The following ACLY variants were observed in gnomAD, a reference collection of about 807,000 sequenced individuals.
ACLY encodes the protein ATP citrate lyase.
ACLY carries 41 observed loss-of-function variants against 133.0 expected under a neutral mutation model. The observed-to-expected ratio is 0.31, with a 90% CI of 0.24 to 0.40. The LOEUF is 0.40. Among genes scored for constraint, ACLY ranks in the 10% least tolerant of loss-of-function variants. ACLY has a pLI of 1.00. For synonymous variants in ACLY, 495 were observed against 549.3 expected (o/e 0.90, Z 1.38); for missense variants, 1,046 against 1,453.8 (o/e 0.72, Z 4.56).
intron 23 of ACLY, among the ~76,000 whole-genome samples, 186 bp downstream of exon 23, chr17:41,873,625 A>C (rs1555625475): frequency 6.6e-6 from 1 of 152,112 alleles, no homozygotes; most frequent in Admixed American, 6.6e-5. Flanking sequence ...ATGTGACTGG[A>C]CTTTCTGTCC....
At chr17:41,908,942 T>C (rs371263669) in intron 6 of ACLY, 47 bp downstream of exon 6, 54 of 1,480,368 alleles carry the variant, frequency 3.6e-5, no homozygotes, top group African/African-American at 9.7e-5. Flanking sequence ...AGGGCTGTCA[T>C]AGGCACTGGG....
At chr17:41,907,657 C>T in intron 6 of ACLY, 85 bp from the exon 7 acceptor site, 1 of 1,468,808 alleles carries the variant, frequency 6.8e-7, no homozygotes, top group Non-Finnish European at 9.4e-7. Flanking sequence ...AAACACCGAT[C>T]CCATGGTGGC....
At chr17:41,895,068 A>G (rs1457808307) in intron 14 of ACLY, among the ~76,000 whole-genome samples, 1 of 152,148 alleles carries the variant, frequency 6.6e-6, no homozygotes, top group East Asian at 1.9e-4. Context: ...GAACAAGGGG[A>G]GCCACCTAAT....
intron 16 of ACLY, among the ~76,000 whole-genome samples, chr17:41,890,528 CA>C (rs1484600937): frequency 5.9e-5 from 8 of 134,692 alleles, no homozygotes; most frequent in Non-Finnish European, 1.6e-5. Flanking sequence ...ACTAAAAATA[CA>C]AAAAAAAAAT....
intron 1 of ACLY, among the ~76,000 whole-genome samples, chr17:41,928,875 C>T (rs2050275522): frequency 6.9e-6 from 1 of 145,160 alleles, no homozygotes; most frequent in South Asian, 2.2e-4. Context: ...AAAAAAGCTG[C>T]TGGAGTTCTG....
Position 41,893,062 on chromosome 17 carries a change from G to A in ACLY, c.1572C>T (p.Pro524=). 1 of 1,614,034 alleles carries A rather than the reference G, an allele frequency of 6.2e-7. No homozygotes were observed. The highest frequency in any genetic ancestry group is 8.5e-7 in the Non-Finnish European group (1 of 1,179,976). Residue 524 remains proline, a synonymous_variant, in exon 15 of 29, where the codon CCC becomes CCT. Coordinates refer to ENST00000352035, the MANE Select transcript of ACLY (RefSeq NM_001096.3). Reference sequence around the variant, plus strand: ...AAGGGTAGACCATGGCAGCCACTGAGGGCTCGTCTCGGGAGCAGACATAGT... The same window carrying A: ...AAGGGTAGACCATGGCAGCCACTGAAGGCTCGTCTCGGGAGCAGACATAGT... ...DFDYVCSRDE[P]SVAAMVYPFT...
chr17:41,927,434 C>T (rs1420270692), intron 1 of ACLY, among the ~76,000 whole-genome samples: 1 of 152,134 alleles, frequency 6.6e-6, no homozygotes, highest in Non-Finnish European at 1.5e-5. Flanking sequence ...GATCTGCCCG[C>T]CTGGGCCTCC....
At chr17:41,902,017 C>T (rs1555631732) in intron 10 of ACLY, among the ~76,000 whole-genome samples, 1 of 152,144 alleles carries the variant, frequency 6.6e-6, no homozygotes, top group Non-Finnish European at 1.5e-5. Context: ...GATTGACATC[C>T]CTTAATGTCA....
intron 20 of ACLY, among the ~76,000 whole-genome samples, chr17:41,879,948 T>TC (rs1555627023): frequency 6.6e-6 from 1 of 152,058 alleles, no homozygotes; most frequent in Non-Finnish European, 1.5e-5. Flanking sequence ...CAGGCTGGTC[T>TC]CCAACTCCTG....
intron 18 of ACLY, among the ~76,000 whole-genome samples, 182 bp from the exon 19 acceptor site, chr17:41,884,456 GAAGA>G (rs782194571): frequency 1.3e-3 from 200 of 152,312 alleles, no homozygotes; most frequent in Non-Finnish European, 2.4e-3. Context: ...GAACAGAAGA[GAAGA>G]AAGAGGGAAG....
At chr17:41,877,009 T>C (rs1163847738) in intron 22 of ACLY, among the ~76,000 whole-genome samples, 1 of 152,208 alleles carries the variant, frequency 6.6e-6, no homozygotes, top group Non-Finnish European at 1.5e-5. Flanking sequence ...GAATTTCCCA[T>C]TTCCAGAGTT....
In ACLY at chr17:41,910,879, C is replaced by T. The variant is rs1168476194; in HGVS notation, c.283-595G>A. On this transcript the variant is annotated intron_variant, in intron 3 of 28. Transcript: ENST00000352035. The stretch of plus-strand genomic sequence containing the variant: ...CAAAACCCCCGCCTGGCCTGTGCGT[C>T]ACTGCTGAGTCAGGGACCAGACAGC... Among the ~76,000 whole-genome samples, 6 of 152,182 alleles carry T rather than the reference C, an allele frequency of 3.9e-5. 1 individual carries two copies. The East Asian group carries it at 9.6e-4, about 24-fold the overall frequency.
intron 3 of ACLY, among the ~76,000 whole-genome samples, chr17:41,910,692 C>T (rs781979648): frequency 6.6e-6 from 1 of 152,200 alleles, no homozygotes; most frequent in African/African-American, 2.4e-5. Flanking sequence ...GACATGGGTC[C>T]GGGCGCAGGG....
rs2049040515 is a variant in ACLY at position 41,886,121 on chromosome 17, C to G, written c.2063G>C (p.Gly688Ala). The G allele has an allele frequency of 6.2e-7, 1 of 1,613,090 alleles. No homozygotes were observed. Among genetic ancestry groups the G allele is most frequent in the Admixed American group, 1.7e-5 (1 of 59,980 alleles). ...TDGVYEGVAI[G>A]GDRYPGSTFM... ...CTTCCCAGCTGATTACCTGTCCCCA[C>G]CAATGGCCACGCCCTCATAGACGCC... Residue 688 changes from glycine (G) to alanine (A), a missense_variant, in exon 18 of 29, where the codon GGT becomes GCT. Gly to Ala is a moderately conservative substitution (Grantham distance 60, BLOSUM62 0). Around this residue, in one of 4 missense-constraint regions of ACLY, gnomAD observed 575 missense variants for 804.2 expected, o/e 0.71. Coordinates refer to ENST00000352035, the MANE Select transcript of ACLY (RefSeq NM_001096.3).
intron 22 of ACLY, among the ~76,000 whole-genome samples, chr17:41,874,555 G>A (rs1007591065): frequency 6.6e-6 from 1 of 150,928 alleles, no homozygotes; most frequent in Non-Finnish European, 1.5e-5. Context: ...TTACAGGCGT[G>A]AGACCCAGTC....
At chr17:41,917,390 C>A (rs548097346) in intron 1 of ACLY, among the ~76,000 whole-genome samples, 1 of 152,224 alleles carries the variant, frequency 6.6e-6, no homozygotes, top group African/African-American at 2.4e-5. Context: ...TACACACATT[C>A]TCTAAGGGAG....
chr17:41,928,605 A>C (rs921608944), intron 1 of ACLY, among the ~76,000 whole-genome samples: 1 of 151,736 alleles, frequency 6.6e-6, no homozygotes, highest in African/African-American at 2.4e-5. Context: ...TAATCCCAGC[A>C]CTTTGAGAGG....
chr17:41,885,066 C>A (rs1361412791), intron 18 of ACLY, among the ~76,000 whole-genome samples: 1 of 152,004 alleles, frequency 6.6e-6, no homozygotes, highest in African/African-American at 2.4e-5. Flanking sequence ...GGGGTCTCTA[C>A]CAAATTCGAG....
At chr17:41,909,119 G>A (rs781903791) in intron 5 of ACLY, 51 bp from the exon 6 acceptor site, 2 of 1,459,894 alleles carry the variant, frequency 1.4e-6, no homozygotes, top group Admixed American at 1.8e-5. Flanking sequence ...GAGCAGCTCG[G>A]CAGCACCCCA....
Sources: allele counts gnomAD v4.1 joint callset (sites outside exome capture counted in the v4.1 genomes callset), GRCh38; gene constraint gnomAD v4.1.1; regional missense constraint gnomAD v4.1.1; transcripts MANE v1.5; gene names NCBI Gene and HGNC (gene_info 2026-07-23, HGNC 2026-07-21).